The following PSME3IP1 variants were observed in gnomAD, a reference collection of about 807,000 sequenced individuals.
The protein encoded by PSME3IP1 is PSME3-interacting protein.
Under a neutral mutation model 34.1 loss-of-function variants are expected in PSME3IP1, and 13 were observed. That is an observed-to-expected ratio of 0.38 (90% CI 0.25 to 0.61). The LOEUF (loss-of-function observed/expected upper bound fraction) is 0.61, where lower values mean the gene tolerates loss of function less well. Ranked by LOEUF, PSME3IP1 falls within the 20% of genes least tolerant of loss-of-function variation. PSME3IP1 has a pLI of 0.60. For missense variants in PSME3IP1, 237 were observed against 301.4 expected, an observed-to-expected ratio of 0.79 and a Z score of 1.58; for synonymous variants, 93 against 114.3, an observed-to-expected ratio of 0.81 and a Z score of 1.19.
At chr16:57,157,612 CTTT>C in intron 6 of PSME3IP1, among the ~76,000 whole-genome samples, 2 of 150,532 alleles carry the variant, frequency 1.3e-5, no homozygotes, top group South Asian at 4.2e-4. Flanking sequence ...TTTTCCTTTT[CTTT>C]TTTTTCTTTT....
intron 6 of PSME3IP1, among the ~76,000 whole-genome samples, chr16:57,160,182 C>T (rs904529291): frequency 4.0e-5 from 6 of 151,238 alleles, no homozygotes; most frequent in South Asian, 2.1e-4. Context: ...CCCAGCTACT[C>T]GGGAGGCTGA....
At chr16:57,177,583 A>C (rs1243166123) in intron 1 of PSME3IP1, among the ~76,000 whole-genome samples, 1 of 152,208 alleles carries the variant, frequency 6.6e-6, no homozygotes, top group African/African-American at 2.4e-5. Flanking sequence ...AAAAAATTTA[A>C]AGGCAAGCGT....
chr16:57,184,491 CTATAG>C (rs1394751188), intron 1 of PSME3IP1, among the ~76,000 whole-genome samples: 12 of 152,234 alleles, frequency 7.9e-5, no homozygotes, highest in African/African-American at 2.6e-4. Flanking sequence ...ACAACATATT[CTATAG>C]TAAAGAGTGA....
chr16:57,177,379 G>T lies in PSME3IP1; in HGVS notation c.-15-3510C>A, dbSNP rs1323342473. ...TTTTTTTTTTTTTTCGTGAAACAGG[G>T]TTTCACCATGTTGCCCAGGCTGGTC... On this transcript the variant is annotated intron_variant, in intron 1 of 6. Transcript: ENST00000309137. Among the ~76,000 whole-genome samples, 4 of 143,648 alleles carry T rather than the reference G, an allele frequency of 2.8e-5. No individual in the cohort carries two copies. The East Asian group carries it at 8.3e-4, about 30-fold the overall frequency. 94.2% of individuals were successfully genotyped at this position (143,648 alleles called of 152,430 possible).
chr16:57,167,132 G>C lies in PSME3IP1; in HGVS notation c.443C>G (p.Ser148Cys). ...VKPIETKNKF[S>C]QAKLLAGAVK... The stretch of plus-strand genomic sequence containing the variant: ...AGCTCCTGCCAACAGCTTCGCCTGG[G>C]AGAACTTGTTCTTGGTTTCTATAGG... Residue 148 changes from serine (S) to cysteine (C), a missense_variant, in exon 5 of 7, where the codon TCC becomes TGC. Physicochemically the swap from Ser to Cys is moderately radical, Grantham distance 112. Transcript: ENST00000309137. 6.2e-7 allele frequency: 1 copy of C among 1,614,078 alleles called. No homozygotes were observed. The highest frequency in any genetic ancestry group is 8.5e-7 in the Non-Finnish European group (1 of 1,180,034).
upstream of PSME3IP1, chr16:57,186,083 C>T: frequency 1.0e-6 from 1 of 985,562 alleles, no homozygotes; most frequent in Non-Finnish European, 1.2e-6. Flanking sequence ...ATCCGCGGAG[C>T]TCTTCCTCCC....
chr16:57,166,373 A>G (rs180934308), intron 5 of PSME3IP1, among the ~76,000 whole-genome samples: 3 of 152,338 alleles, frequency 2.0e-5, no homozygotes, highest in Non-Finnish European at 2.9e-5. Flanking sequence ...CAGTGCTATC[A>G]CTTCCACATC....
At chr16:57,185,459 G>A in intron 1 of PSME3IP1, 6 of 954,270 alleles carry the variant, frequency 6.3e-6, no homozygotes, top group Non-Finnish European at 7.5e-6. Flanking sequence ...CCAACCAGAC[G>A]CCGCACATCC....
chr16:57,170,186 G>A (rs1304644817), intron 4 of PSME3IP1, among the ~76,000 whole-genome samples: 2 of 151,170 alleles, frequency 1.3e-5, no homozygotes, highest in African/African-American at 4.9e-5. Context: ...AGGTTCAAGC[G>A]ATTCTCCTGC....
intron 4 of PSME3IP1, among the ~76,000 whole-genome samples, chr16:57,170,258 T>C (rs1246907895): frequency 1.3e-5 from 2 of 152,084 alleles, no homozygotes; most frequent in Non-Finnish European, 2.9e-5. Context: ...AATTTTTGTA[T>C]TTTTAGCAGA....
At chr16:57,165,480 T>C (rs1295361710) in intron 5 of PSME3IP1, among the ~76,000 whole-genome samples, 1 of 152,182 alleles carries the variant, frequency 6.6e-6, no homozygotes, top group Non-Finnish European at 1.5e-5. Context: ...GAGTAAAGAA[T>C]ATTCCTTTGA....
In PSME3IP1 at chr16:57,153,017, CAAGA is replaced by C. The variant is rs1385905155; in HGVS notation, c.*1269_*1272del. 6.6e-6 allele frequency: 1 copy of C among 152,636 alleles called. No homozygotes were observed. The highest frequency in any genetic ancestry group is 2.4e-5 in the African/African-American group (1 of 41,440). 9.5% of individuals were successfully genotyped at this position (152,636 alleles called of 1,614,324 possible). ...TGTGTGTCTCACTCAGTCTCACACC[CAAGA>C]AAGTAAAAACAATTGATGTAGGAAT... On this transcript the variant is annotated 3_prime_UTR_variant, in exon 7 of 7. Coordinates refer to ENST00000309137, the MANE Select transcript of PSME3IP1 (RefSeq NM_024946.4).
intron 1 of PSME3IP1, among the ~76,000 whole-genome samples, chr16:57,180,599 G>GAA (rs372578969): frequency 7.7e-6 from 1 of 130,450 alleles, no homozygotes; most frequent in African/African-American, 2.8e-5. Flanking sequence ...CTCAGAAAAA[G>GAA]AAAAAAAAAA....
At chr16:57,157,206 G>C (rs1463532641) in intron 6 of PSME3IP1, among the ~76,000 whole-genome samples, 4 of 151,904 alleles carry the variant, frequency 2.6e-5, no homozygotes, top group Non-Finnish European at 4.4e-5. Context: ...CTACTCAGGA[G>C]GCTGAGGTAG....
In PSME3IP1 at chr16:57,172,198, T is replaced by G. The variant is rs1401885679; in HGVS notation, c.348+53A>C. The G allele has an allele frequency of 1.3e-5, 20 of 1,599,958 alleles. No homozygotes were observed. In the African/African-American group the frequency reaches 2.3e-4, roughly 18 times the overall value. ...TTGATGAGGAGACAACATCCATAGA[T>G]GCTGATGAGAAAATGGACACCTTAC... is the stretch of plus-strand genomic sequence containing the variant. On this transcript the variant is annotated intron_variant, in intron 4 of 6. Coordinates refer to ENST00000309137, the MANE Select transcript of PSME3IP1 (RefSeq NM_024946.4).
chr16:57,154,625 G>A lies in PSME3IP1; in HGVS notation c.548-118C>T, dbSNP rs1417168913. ...TCCCACAGAGGAGCCTTAGAACAAT[G>A]CTATGCAGCCAATACTATCATCACC... On this transcript the variant is annotated intron_variant, in intron 6 of 6. Coordinates refer to ENST00000309137, the MANE Select transcript of PSME3IP1 (RefSeq NM_024946.4). This position sits in a 1 kb window ranked among gnomAD's most constrained non-coding sequence, Gnocchi z 4.0. The A allele has an allele frequency of 2.9e-5, 23 of 804,164 alleles. No homozygotes were observed. The highest frequency in any genetic ancestry group is 4.0e-5 in the Non-Finnish European group (21 of 520,482). The allele number at this position is 804,164 out of a possible 1,614,324, so 49.8% of individuals were successfully genotyped here.
chr16:57,168,802 T>TAA (rs2072214168), intron 4 of PSME3IP1, among the ~76,000 whole-genome samples: 1 of 28,360 alleles, frequency 3.5e-5, no homozygotes, highest in Non-Finnish European at 6.4e-5. Context: ...AAACTCTGTC[T>TAA]CAAAAAAAAA....
chr16:57,172,499 T>C (rs935440388), intron 3 of PSME3IP1, 127 bp from the exon 4 acceptor site: 3 of 1,056,570 alleles, frequency 2.8e-6, no homozygotes, highest in Non-Finnish European at 2.7e-6. Flanking sequence ...GTAAATACCA[T>C]GGCGTTTGAA....
At chr16:57,158,141 G>T (rs1176537249) in intron 6 of PSME3IP1, among the ~76,000 whole-genome samples, 1 of 152,150 alleles carries the variant, frequency 6.6e-6, no homozygotes, top group Non-Finnish European at 1.5e-5. Context: ...TGGCTAATTT[G>T]GGGGGAAGGG....
Sources: gnomAD v4.1 joint callset for allele counts (sites outside exome capture counted in the v4.1 genomes callset) on GRCh38, gnomAD v4.1.1 for gene constraint, Gnocchi (gnomAD v3.1) non-coding constraint, MANE v1.5 for transcripts, NCBI Gene and HGNC (gene_info 2026-07-23, HGNC 2026-07-21) for gene names.